Variants in NLRC4 observed in about 807,000 individuals in gnomAD.
NLRC4 encodes the protein NLR family CARD domain containing 4.
Under a neutral mutation model 79.9 loss-of-function variants are expected in NLRC4, and 63 were observed. The observed-to-expected ratio is 0.79, with a 90% CI of 0.64 to 0.97. The LOEUF (loss-of-function observed/expected upper bound fraction) is 0.97. Among genes scored for constraint, NLRC4 ranks in the 50% least tolerant of loss-of-function variants. The pLI is 0.00. For synonymous variants in NLRC4, 461 were observed against 456.5 expected (o/e 1.01, Z -0.12); for missense variants, 1,074 against 1,215.2 (o/e 0.88, Z 1.73).
Position 32,236,296 on chromosome 2 carries a change from TAAATC to T in NLRC4, c.2560_2564del (p.Asp854IlefsTer11), listed in dbSNP as rs1026050125. 12 of 1,612,614 alleles carry T rather than the reference TAAATC, an allele frequency of 7.4e-6. No individual in the cohort carries two copies. Among genetic ancestry groups the T allele is most frequent in the Non-Finnish European group, 9.3e-6 (11 of 1,179,262 alleles). On this transcript the variant is annotated frameshift_variant, in exon 7 of 9. Transcript: ENST00000402280. LOFTEE classifies it high-confidence loss of function. ...CATCTTTTTCCAGGTAATTTTCTGA[TAAATC>T]AAGAATGCTCAGTTTGACCAAATTG...
At chr2:32,263,140 C>A (rs1290191338) in intron 1 of NLRC4, among the ~76,000 whole-genome samples, 1 of 152,096 alleles carries the variant, frequency 6.6e-6, no homozygotes, top group African/African-American at 2.4e-5. Context: ...ATTCCCACAC[C>A]TCACAGATAA....
intron 1 of NLRC4, among the ~76,000 whole-genome samples, chr2:32,259,262 ATTTT>A (rs57570626): frequency 0.015 from 819 of 52,866 alleles, 48 homozygotes; most frequent in African/African-American, 0.069. Context: ...TGCCTGGCTA[ATTTT>A]TTTTTTTTTT....
At chr2:32,232,433 T>A (rs1040980742) in intron 8 of NLRC4, among the ~76,000 whole-genome samples, 6 of 152,132 alleles carry the variant, frequency 3.9e-5, no homozygotes, top group Admixed American at 6.5e-5. Context: ...AGGCCTGGGG[T>A]TTTGTCAGGA....
Position 32,250,721 on chromosome 2 carries a change from C to T in NLRC4, c.1143G>A (p.Val381=). The stretch of plus-strand genomic sequence containing the variant: ...GGCTCCGAATGAAGTCACTTGCAGC[C>T]ACACCTTTATGTTTGTGTTTGTTTT... ...IQKNKHKHKG[V]AASDFIRSLD... Residue 381 remains valine (V), a synonymous_variant, in exon 4 of 9, where the codon GTG becomes GTA. Transcript: ENST00000402280. The surrounding 1 kb of genome is among the most constrained non-coding windows in gnomAD (Gnocchi z 4.9). The T allele has an allele frequency of 1.2e-6, 2 of 1,614,192 alleles. No individual in the cohort carries two copies.
intron 4 of NLRC4, among the ~76,000 whole-genome samples, chr2:32,243,755 A>T (rs1686861282): frequency 6.6e-6 from 1 of 150,910 alleles, no homozygotes; most frequent in Non-Finnish European, 1.5e-5. Flanking sequence ...CCGAGATCGC[A>T]TCATTGCACT....
At chr2:32,229,187 T>G (rs1397480377) in intron 8 of NLRC4, among the ~76,000 whole-genome samples, 5 of 151,488 alleles carry the variant, frequency 3.3e-5, no homozygotes, top group Non-Finnish European at 7.4e-5. Flanking sequence ...CCCAGCACTT[T>G]GGGAGGCTGA....
In NLRC4 at chr2:32,251,165, CAT is replaced by C. The variant is rs1687067876; in HGVS notation, c.697_698del (p.Met233GlyfsTer15). 6.2e-7 allele frequency: 1 copy of C among 1,614,076 alleles called. No individual in the cohort carries two copies. The highest frequency in any genetic ancestry group is 1.3e-5 in the African/African-American group (1 of 74,910). On this transcript the variant is annotated frameshift_variant, in exon 4 of 9. Coordinates refer to ENST00000402280, the MANE Select transcript of NLRC4 (RefSeq NM_001199138.2). LOFTEE classifies it high-confidence loss of function. Reference protein sequence around the residue: ...IPGTIRKQTFMAMLLKLRQRV... With the variant: ...IPGTIRKQTFXAMLLKLRQRV... ...TCTGCCGCAGCTTCAGCAGCATGGC[CAT>C]GAATGTCTGCTTCCTGATTGTGCCA...
Position 32,238,245 on chromosome 2 carries a change from T to C in NLRC4, c.2408A>G (p.Asp803Gly). 6.2e-7 allele frequency: 1 copy of C among 1,613,068 alleles called. No individual in the cohort carries two copies. Among genetic ancestry groups the C allele is most frequent in the Non-Finnish European group, 8.5e-7 (1 of 1,179,596 alleles). Residue 803 changes from aspartate (D) to glycine (G), a missense_variant, in exon 6 of 9, where the codon GAC (aspartate) becomes GGC (glycine). Transcript: ENST00000402280. ...TATGTAATCCATTCCCTCTCCAATG[T>C]CAGACAAGTGGGTCAAATGAAATAA... Reference protein sequence around the residue: ...MCLFHLTHLSDIGEGMDYIVK... With the variant: ...MCLFHLTHLSGIGEGMDYIVK...
At chr2:32,261,692 C>T (rs1243358001) in intron 1 of NLRC4, among the ~76,000 whole-genome samples, 1 of 152,056 alleles carries the variant, frequency 6.6e-6, no homozygotes, top group African/African-American at 2.4e-5. Context: ...CAGGTATTTA[C>T]CCCAATGATG....
intron 4 of NLRC4, among the ~76,000 whole-genome samples, chr2:32,245,505 T>A (rs1486361064): frequency 6.6e-6 from 1 of 152,008 alleles, no homozygotes; most frequent in Non-Finnish European, 1.5e-5. Flanking sequence ...TGGAAATGGT[T>A]AATGGATACA....
intron 5 of NLRC4, among the ~76,000 whole-genome samples, chr2:32,239,368 G>C (rs78964057): frequency 6.6e-6 from 1 of 152,108 alleles, no homozygotes; most frequent in Non-Finnish European, 1.5e-5. Flanking sequence ...GATAATGTAC[G>C]TTAACATATT....
chr2:32,257,771 G>T (rs1687242910), intron 1 of NLRC4, among the ~76,000 whole-genome samples: 1 of 152,040 alleles, frequency 6.6e-6, no homozygotes, highest in Non-Finnish European at 1.5e-5. Context: ...GGCTTGCGAT[G>T]GGGGTGTGGC....
At chr2:32,242,955 A>G (rs536635398) in intron 4 of NLRC4, among the ~76,000 whole-genome samples, 2 of 151,872 alleles carry the variant, frequency 1.3e-5, no homozygotes, top group South Asian at 4.2e-4. Context: ...GGCTGAGGCA[A>G]GAGAATCGCT....
intron 6 of NLRC4, among the ~76,000 whole-genome samples, chr2:32,237,388 C>T (rs1318820454): frequency 6.6e-6 from 1 of 152,142 alleles, no homozygotes; most frequent in Admixed American, 6.5e-5. Flanking sequence ...AAGCCTGTCT[C>T]TCCCCATCAG....
At chr2:32,251,683 G>A (rs1297807760) in intron 3 of NLRC4, 82 bp from the exon 4 acceptor site, 13 of 922,246 alleles carry the variant, frequency 1.4e-5, no homozygotes, top group East Asian at 9.7e-5. Context: ...GAACGGGGGG[G>A]TGAGGCTGAG....
chr2:32,224,818 A>AAAAG (rs539204086), intron 8 of NLRC4, 53 bp from the exon 9 acceptor site: 4 of 1,073,976 alleles, frequency 3.7e-6, no homozygotes, highest in Admixed American at 2.6e-5. Flanking sequence ...TTTAAAAAAA[A>AAAAG]AGAGAAATAG....
Position 32,251,219 on chromosome 2 carries a change from G to A in NLRC4, c.645C>T (p.Thr215=). The A allele has an allele frequency of 6.2e-7, 1 of 1,614,162 alleles. No individual in the cohort carries two copies. The highest frequency in any genetic ancestry group is 1.6e-4 in the Middle Eastern group (1 of 6,062). The change falls in exon 4 of 9, where the codon ACC becomes ACT. Residue 215 remains threonine (T), a synonymous_variant. Coordinates refer to ENST00000402280, the MANE Select transcript of NLRC4 (RefSeq NM_001199138.2). ...GTATATCCAGGAGTTGATCACAGAG[G>A]GTTTCAAAAAGTCCACCCTGGGCCC... is the stretch of plus-strand genomic sequence containing the variant. ...LSRAQGGLFE[T]LCDQLLDIPG...
chr2:32,228,924 C>T (rs991848998), intron 8 of NLRC4, among the ~76,000 whole-genome samples: 4 of 151,794 alleles, frequency 2.6e-5, no homozygotes, highest in Middle Eastern at 3.2e-3. Flanking sequence ...GTGCACTACG[C>T]CCAGCTAATT....
Position 32,231,582 on chromosome 2 carries a change from G to T in NLRC4, c.2782+3819C>A, listed in dbSNP as rs1167291603. 7.5e-5 allele frequency among the ~76,000 whole-genome samples: 8 copies of T among 106,580 alleles called. 1 individual carries two copies. Among genetic ancestry groups the T allele is most frequent in the East Asian group, 3.3e-4 (1 of 3,070 alleles). 69.9% of individuals were successfully genotyped at this position (106,580 alleles called of 152,430 possible). ...TTTTCTATTTTTTTTTGTGGGGGGGGGGTGGGGGACTGGGTGTCACTCTGT... is the reference window on the plus strand; with the variant it reads ...TTTTCTATTTTTTTTTGTGGGGGGGTGGTGGGGGACTGGGTGTCACTCTGT... On this transcript the variant is annotated intron_variant, in intron 8 of 8. Coordinates refer to ENST00000402280, the MANE Select transcript of NLRC4 (RefSeq NM_001199138.2).
Sources: gnomAD v4.1 joint callset for allele counts (sites outside exome capture counted in the v4.1 genomes callset) on GRCh38, gnomAD v4.1.1 for gene constraint, Gnocchi (gnomAD v3.1) non-coding constraint, MANE v1.5 for transcripts, NCBI Gene and HGNC (gene_info 2026-07-23, HGNC 2026-07-21) for gene names.